The following PDLIM3 variants were observed in gnomAD, a reference collection of about 807,000 sequenced individuals.
The protein encoded by PDLIM3 is PDZ and LIM domain 3, also known as PDZ and LIM domain protein 3.
In PDLIM3, 36 loss-of-function variants were observed where a neutral mutation model predicts 37.3. The ratio of observed to expected loss-of-function variants is 0.97; its 90% confidence interval spans 0.74 to 1.28. The LOEUF (loss-of-function observed/expected upper bound fraction) is 1.28, where lower values mean the gene tolerates loss of function less well. Among genes scored for constraint, PDLIM3 ranks in the 50% most tolerant of loss-of-function variants. The pLI is 0.00. For synonymous variants in PDLIM3, 174 were observed against 182.4 expected, an observed-to-expected ratio of 0.95 and a Z score of 0.37; for missense variants, 454 against 485.0, an observed-to-expected ratio of 0.94 and a Z score of 0.60.
intron 1 of PDLIM3, among the ~76,000 whole-genome samples, chr4:185,533,620 T>C (rs2095748441): frequency 6.6e-6 from 1 of 152,182 alleles, no homozygotes; most frequent in South Asian, 2.1e-4. Flanking sequence ...AAATTAGTTA[T>C]GAGTTAGGAA....
At position 185,506,964 on chromosome 4, in the gene PDLIM3, G is replaced by T; in HGVS notation, c.663-312C>A. On this transcript the variant is annotated intron_variant, in intron 5 of 7. Coordinates refer to ENST00000284767, the MANE Select transcript of PDLIM3 (RefSeq NM_014476.6). The stretch of plus-strand genomic sequence containing the variant: ...AAGAAGAACAAGACTTGAGTCTGAT[G>T]GATACATAATGATAGATGTGAACAA... 2.2e-5 allele frequency: 7 copies of T among 322,312 alleles called. No homozygotes were observed. In the South Asian group the frequency reaches 2.5e-4, roughly 11 times the overall value. 20.0% of individuals were successfully genotyped at this position (322,312 alleles called of 1,614,324 possible). A position where few individuals can be genotyped will look rare whatever the true frequency, so the allele number is the denominator to read the frequency against.
At chr4:185,503,512 C>T (rs1046971944) in intron 7 of PDLIM3, among the ~76,000 whole-genome samples, 6 of 152,078 alleles carry the variant, frequency 3.9e-5, no homozygotes, top group Non-Finnish European at 7.4e-5. Context: ...GCTAACCGGA[C>T]AGAGGACACA....
At position 185,506,629 on chromosome 4, in the gene PDLIM3, G is replaced by C. The variant is rs1356446915; in HGVS notation, c.686C>G (p.Pro229Arg). 5 of 1,607,326 alleles carry C rather than the reference G, an allele frequency of 3.1e-6. No homozygotes were observed. The highest frequency in any genetic ancestry group is 4.2e-6 in the Non-Finnish European group (5 of 1,179,976). Residue 229 changes from proline (P) to arginine (R), a missense_variant, in exon 6 of 8, where the codon CCC becomes CGC. Physicochemically the swap from Pro to Arg is moderately radical, Grantham distance 103. Coordinates refer to ENST00000284767, the MANE Select transcript of PDLIM3 (RefSeq NM_014476.6). ...LMSEPTASVP[P>R]ESDVYRMLHD... ...GAGCATCCGGTACACGTCCGACTCG[G>C]GGGGCACCGAGGCTGTGGGCTCGCT...
rs1468988702 is a variant in PDLIM3 at position 185,508,370 on chromosome 4, G to A, written c.591C>T (p.Tyr197=). Residue 197 remains tyrosine, a synonymous_variant, in exon 5 of 8, where the codon TAC becomes TAT. Coordinates refer to ENST00000284767, the MANE Select transcript of PDLIM3 (RefSeq NM_014476.6). ...GTGTTTCCATAATATTGTCATCTGA[G>A]TACAACTGCATAGGTGTATTAAACT... The part of the protein sequence containing the change: ...HAQFNTPMQL[Y]SDDNIMETLQ... 3 of 1,613,584 alleles carry A rather than the reference G, an allele frequency of 1.9e-6. No individual in the cohort carries two copies. Among genetic ancestry groups the A allele is most frequent in the South Asian group, 2.2e-5 (2 of 91,074 alleles).
Position 185,502,394 on chromosome 4 carries a change from T to C in PDLIM3, c.995A>G (p.Tyr332Cys). The change falls in exon 8 of 8, where the codon TAC becomes TGC. Residue 332 changes from tyrosine (Y) to cysteine (C), a missense_variant. By Grantham distance (194) the Tyr-to-Cys change is radical (BLOSUM62 -2). Coordinates refer to ENST00000284767, the MANE Select transcript of PDLIM3 (RefSeq NM_014476.6). ...GTACAGCTCCCCTTCTATGAAGAAG[T>C]AGCCCTTTTGCTTGAGGTTGAGGTT... is the stretch of plus-strand genomic sequence containing the variant. ...DCNLNLKQKG[Y>C]FFIEGELYCE... is the part of the protein sequence containing the mutation. 3 of 1,614,160 alleles carry C rather than the reference T, an allele frequency of 1.9e-6. No individual in the cohort carries two copies. The highest frequency in any genetic ancestry group is 1.7e-5 in the Admixed American group (1 of 60,024).
intron 7 of PDLIM3, among the ~76,000 whole-genome samples, chr4:185,503,239 T>TAAC (rs57561759): frequency 0.75 from 113,616 of 151,450 alleles, 44,485 homozygotes; most frequent in Non-Finnish European, 0.87. Context: ...ACAACAACAA[T>TAAC]AACAACAAAA....
At chr4:185,528,599 C>T (rs556159312) in intron 1 of PDLIM3, among the ~76,000 whole-genome samples, 8 of 152,328 alleles carry the variant, frequency 5.3e-5, no homozygotes, top group East Asian at 1.9e-4. Flanking sequence ...AAGTAACCTG[C>T]GGCTTTGCTG....
intron 7 of PDLIM3, among the ~76,000 whole-genome samples, chr4:185,503,825 G>A (rs1311762708): frequency 1.3e-5 from 2 of 152,126 alleles, no homozygotes; most frequent in Admixed American, 6.5e-5. Context: ...GTGGGTCCCT[G>A]TAATCTCAGC....
chr4:185,504,535 T>C lies in PDLIM3; in HGVS notation c.845A>G (p.His282Arg). The change falls in exon 7 of 8, where the codon CAT (histidine) becomes CGT (arginine). Residue 282 changes from histidine to arginine, a missense_variant. By Grantham distance (29) the His-to-Arg change is conservative. Transcript: ENST00000284767. The surrounding 1 kb of genome is among the most constrained non-coding windows in gnomAD (Gnocchi z 4.7). The part of the protein sequence containing the change: ...RSVRAPVTKV[H>R]GGSGGAQRMP... Reference sequence around the variant, plus strand: ...CCTCTGTGCCCCGCCTGAACCGCCATGGACTTTCGTCACCGGAGCTCTCAC... The same window carrying C: ...CCTCTGTGCCCCGCCTGAACCGCCACGGACTTTCGTCACCGGAGCTCTCAC... The C allele has an allele frequency of 1.2e-6, 2 of 1,614,208 alleles. No individual in the cohort carries two copies. The highest frequency in any genetic ancestry group is 1.7e-6 in the Non-Finnish European group (2 of 1,180,022).
chr4:185,506,309 G>A (rs2095697001), intron 6 of PDLIM3, among the ~76,000 whole-genome samples: 1 of 152,116 alleles, frequency 6.6e-6, no homozygotes, highest in African/African-American at 2.4e-5. Flanking sequence ...GTCCTTTTGT[G>A]ACTTCACTTG....
intron 4 of PDLIM3, chr4:185,513,930 G>A (rs2095710628): frequency 8.3e-7 from 1 of 1,206,090 alleles, no homozygotes; most frequent in Non-Finnish European, 1.0e-6. Flanking sequence ...GCTCCTGCTG[G>A]CAGGGCTTTC....
chr4:185,535,424 G>T lies in PDLIM3; in HGVS notation c.11C>A (p.Thr4Lys), dbSNP rs781358846. 1.9e-6 allele frequency: 3 copies of T among 1,597,862 alleles called. No homozygotes were observed. Among genetic ancestry groups the T allele is most frequent in the East Asian group, 2.3e-5 (1 of 43,730 alleles). ...GGGCGCAGGGCCCGGGAGGATCACCGTCTGGGGCATGCCGCCTTCCTCCCG... is the reference window on the plus strand; with the variant it reads ...GGGCGCAGGGCCCGGGAGGATCACCTTCTGGGGCATGCCGCCTTCCTCCCG... MPQ[T>K]VILPGPAPWG... The change falls in exon 1 of 8, where the codon ACG (threonine) becomes AAG (lysine). Residue 4 changes from threonine (T) to lysine (K), a missense_variant. Thr to Lys is a moderately conservative substitution (Grantham distance 78, BLOSUM62 -1). Transcript: ENST00000284767.
intron 4 of PDLIM3, chr4:185,513,599 T>A (rs2095710090): frequency 1.0e-6 from 1 of 986,386 alleles, no homozygotes; most frequent in Admixed American, 6.1e-5. Context: ...TTGCAACAGC[T>A]GCGGTAAATC....
intron 1 of PDLIM3, among the ~76,000 whole-genome samples, chr4:185,528,840 T>C (rs940469192): frequency 1.3e-5 from 2 of 152,246 alleles, no homozygotes; most frequent in Non-Finnish European, 2.9e-5. Flanking sequence ...GCGAGCCCAG[T>C]GATCAGAAAA....
rs139082712 is a variant in PDLIM3, at chr4:185,513,108, AG to A, written c.398+1161del. 4,283 of 983,850 alleles carry A rather than the reference AG, an allele frequency of 4.4e-3. 151 individuals carry two copies. In the African/African-American group the frequency reaches 0.071, roughly 16 times the overall value. The allele number at this position is 983,850 out of a possible 1,614,324, so 60.9% of individuals were successfully genotyped here. ...TGAGCATTTATTCTGTCTCATTTCT[AG>A]GTGCTGGGGGTATAATGTTGAGCCA... is the stretch of plus-strand genomic sequence containing the variant. On this transcript the variant is annotated intron_variant, in intron 4 of 7. Coordinates refer to ENST00000284767, the MANE Select transcript of PDLIM3 (RefSeq NM_014476.6).
chr4:185,503,155 C>A (rs1210850048), intron 7 of PDLIM3, among the ~76,000 whole-genome samples: 1 of 152,066 alleles, frequency 6.6e-6, no homozygotes, highest in Non-Finnish European at 1.5e-5. Flanking sequence ...ACCCGGGAGG[C>A]GGAGGTTGCA....
intron 6 of PDLIM3, among the ~76,000 whole-genome samples, chr4:185,505,830 G>A (rs1447585556): frequency 6.6e-6 from 1 of 152,106 alleles, no homozygotes; most frequent in Non-Finnish European, 1.5e-5. Flanking sequence ...ACCAATACTT[G>A]TTATTCTCCA....
intron 7 of PDLIM3, among the ~76,000 whole-genome samples, chr4:185,503,686 A>G (rs1179233568): frequency 6.6e-6 from 1 of 152,198 alleles, no homozygotes; most frequent in Non-Finnish European, 1.5e-5. Context: ...GGTGGCTCAC[A>G]CTTGTAATCC....
rs1483563271 is a variant in PDLIM3, at chr4:185,522,497, T to TA, written c.330+864dup. On this transcript the variant is annotated intron_variant, in intron 3 of 7. Coordinates refer to ENST00000284767, the MANE Select transcript of PDLIM3 (RefSeq NM_014476.6). Reference sequence around the variant, plus strand: ...ATTTTCTTGAAAGGGGAAATACTGCTAAACATAAATTACAAATACGTTTTC... The same window carrying TA: ...ATTTTCTTGAAAGGGGAAATACTGCTAAAACATAAATTACAAATACGTTTTC... 1.4e-3 allele frequency among the ~76,000 whole-genome samples: 94 copies of TA among 66,996 alleles called. 12 individuals carry two copies. Among genetic ancestry groups the TA allele is most frequent in the African/African-American group, 2.5e-3 (92 of 36,756 alleles). 44.0% of individuals were successfully genotyped at this position (66,996 alleles called of 152,430 possible).
Sources: allele counts gnomAD v4.1 joint callset (sites outside exome capture counted in the v4.1 genomes callset), GRCh38; gene constraint gnomAD v4.1.1; non-coding constraint Gnocchi (gnomAD v3.1); transcripts MANE v1.5; gene names NCBI Gene and HGNC (gene_info 2026-07-23, HGNC 2026-07-21).